The following TASL variants were observed in gnomAD, a reference collection of about 807,000 sequenced individuals.
TASL encodes TLR adapter interacting with SLC15A4 on the lysosome.
In TASL, 6 loss-of-function variants were observed where a neutral mutation model predicts 12.9. The ratio of observed to expected loss-of-function variants is 0.46; its 90% CI spans 0.25 to 0.92. TASL has a LOEUF of 0.92. Ranked by LOEUF, TASL falls within the 40% of genes least tolerant of loss-of-function variation. TASL has a pLI of 0.17. For missense variants in TASL, 165 were observed against 212.8 expected (o/e 0.78, Z 1.40); for synonymous variants, 85 against 79.3 (o/e 1.07, Z -0.38).
Position 30,560,142 on chromosome X carries a change from C to A in TASL, c.214G>T (p.Glu72Ter). ...GKFISSVHSRESQHSRSQRVT... is the reference protein window; with the variant it reads ...GKFISSVHSR Reference sequence around the variant, plus strand: ...CTCTGACTTCTGCTATGTTGGCTCTCTCTTGAATGCACTGAAGAGATAAAC... The same window carrying A: ...CTCTGACTTCTGCTATGTTGGCTCTATCTTGAATGCACTGAAGAGATAAAC... The change falls in exon 3 of 3, where the codon GAG (glutamate) becomes TAG (stop). Residue 72 changes from glutamate (E) to a stop codon, truncating the protein, a stop_gained. Transcript: ENST00000378962. LOFTEE classifies it high-confidence loss of function. The A allele has an allele frequency of 8.3e-7, 1 of 1,210,191 alleles. No individual in the cohort carries two copies. The highest frequency in any genetic ancestry group is 1.1e-6 in the Non-Finnish European group (1 of 894,468).
At chrX:30,569,801 A>G (rs1036621640) in intron 2 of TASL, among the ~76,000 whole-genome samples, 2 of 111,366 alleles carry the variant, frequency 1.8e-5, no homozygotes, top group African/African-American at 6.5e-5. Flanking sequence ...TCACAAGGTC[A>G]GGAGTTCGAG....
intron 2 of TASL, among the ~76,000 whole-genome samples, chrX:30,574,585 G>A (rs757359061): frequency 1.8e-5 from 2 of 111,353 alleles, no homozygotes; most frequent in South Asian, 7.6e-4. Flanking sequence ...ACACACAAAT[G>A]GAGGCAATGG....
At position 30,577,687 on chromosome X, in the gene TASL, CCAAA is replaced by C. The variant is rs940867006; in HGVS notation, c.-170_-167del. ...GATCCGGCAGAAACACAGCAACTGACCAAACAGAGAGATGAACAAGCCAGCCAAT... is the reference window on the plus strand; with the variant it reads ...GATCCGGCAGAAACACAGCAACTGACCAGAGAGATGAACAAGCCAGCCAAT... On this transcript the variant is annotated 5_prime_UTR_variant, in exon 1 of 3. Coordinates refer to ENST00000378962, the MANE Select transcript of TASL (RefSeq NM_025159.3). 1 of 112,363 alleles carries C rather than the reference CCAAA, an allele frequency of 8.9e-6. No individual in the cohort carries two copies. Among genetic ancestry groups the C allele is most frequent in the African/African-American group, 3.2e-5 (1 of 30,846 alleles). 9.3% of individuals were successfully genotyped at this position (112,363 alleles called of 1,213,427 possible).
At position 30,559,989 on chromosome X, in the gene TASL, T is replaced by A; in HGVS notation, c.367A>T (p.Asn123Tyr). 1 of 1,211,258 alleles carries A rather than the reference T, an allele frequency of 8.3e-7. No individual in the cohort carries two copies. The highest frequency in any genetic ancestry group is 1.1e-6 in the Non-Finnish European group (1 of 895,163). The change falls in exon 3 of 3, where the codon AAT (asparagine) becomes TAT (tyrosine). Residue 123 changes from asparagine (N) to tyrosine (Y), a missense_variant. Asn to Tyr is a moderately radical substitution (Grantham distance 143). Coordinates refer to ENST00000378962, the MANE Select transcript of TASL (RefSeq NM_025159.3). The part of the protein sequence containing the change: ...VPSSCKSICK[N>Y]YNDLQIAGGQ... ...CCTGCAATCTGTAAGTCATTATAAT[T>A]CTTGCAAATACTTTTGCAAGAAGAT...
chrX:30,563,063 T>C (rs1930450216), intron 2 of TASL, among the ~76,000 whole-genome samples: 1 of 110,823 alleles, frequency 9.0e-6, no homozygotes, highest in Non-Finnish European at 1.9e-5. Flanking sequence ...CATGGTGATA[T>C]GGTTTGCTGT....
At chrX:30,561,566 AT>A (rs1402252711) in intron 2 of TASL, among the ~76,000 whole-genome samples, 1 of 112,079 alleles carries the variant, frequency 8.9e-6, no homozygotes, top group African/African-American at 3.2e-5. Flanking sequence ...GAAAAGAAGG[AT>A]TTTTTTAACC....
intron 2 of TASL, among the ~76,000 whole-genome samples, chrX:30,574,351 A>G (rs1356570951): frequency 3.6e-5 from 4 of 112,231 alleles, no homozygotes; most frequent in Admixed American, 9.5e-5. Context: ...ATTGCATGAA[A>G]CTTTAATAAA....
chrX:30,560,082 A>G lies in TASL; in HGVS notation c.274T>C (p.Phe92Leu), dbSNP rs767540673. 42 of 1,209,887 alleles carry G rather than the reference A, an allele frequency of 3.5e-5. No individual in the cohort carries two copies. Among genetic ancestry groups the G allele is most frequent in the Non-Finnish European group, 4.6e-5 (41 of 895,120 alleles). Residue 92 changes from phenylalanine to leucine, a missense_variant, in exon 3 of 3, where the codon TTT (phenylalanine) becomes CTT (leucine). By Grantham distance (22) the Phe-to-Leu change is conservative. Transcript: ENST00000378962. ...TVLQTNPNPVFESPNLAAVEI... is the reference protein window; with the variant it reads ...TVLQTNPNPVLESPNLAAVEI... ...ACTGCAGCCAAGTTTGGGCTTTCAAACACAGGATTGGGGTTTGTCTGCAGC... is the reference window on the plus strand; with the variant it reads ...ACTGCAGCCAAGTTTGGGCTTTCAAGCACAGGATTGGGGTTTGTCTGCAGC...
chrX:30,560,009 G>C lies in TASL; in HGVS notation c.347C>G (p.Ser116Cys). The change falls in exon 3 of 3, where the codon TCT (serine) becomes TGT (cysteine). Residue 116 changes from serine (S) to cysteine (C), a missense_variant. By Grantham distance (112) the Ser-to-Cys change is moderately radical. Transcript: ENST00000378962. ...ASRETYLVPS[S>C]CKSICKNYND... is the part of the protein sequence containing the mutation. ...ATAATTCTTGCAAATACTTTTGCAA[G>C]AAGATGGAACCAAGTAGGTCTCTCT... is the stretch of plus-strand genomic sequence containing the variant. 8.3e-7 allele frequency: 1 copy of C among 1,211,167 alleles called. No individual in the cohort carries two copies. Among genetic ancestry groups the C allele is most frequent in the African/African-American group, 1.7e-5 (1 of 57,816 alleles).
chrX:30,567,360 A>G (rs1930513899), intron 2 of TASL, among the ~76,000 whole-genome samples: 1 of 111,576 alleles, frequency 9.0e-6, no homozygotes, highest in Non-Finnish European at 1.9e-5. Context: ...TATATGGCTG[A>G]GTTATAAATA....
chrX:30,575,703 C>A, intron 2 of TASL, among the ~76,000 whole-genome samples: 1 of 111,193 alleles, frequency 9.0e-6, no homozygotes, highest in East Asian at 2.8e-4. Context: ...TTAATATTAC[C>A]AAGTAAATAA....
intron 2 of TASL, among the ~76,000 whole-genome samples, chrX:30,571,876 A>T (rs746470540): frequency 9.0e-6 from 1 of 111,228 alleles, no homozygotes; most frequent in Non-Finnish European, 1.9e-5. Context: ...CATATTTGTT[A>T]GACTTGATTT....
At chrX:30,564,696 T>C (rs1043081066) in intron 2 of TASL, among the ~76,000 whole-genome samples, 2 of 112,082 alleles carry the variant, frequency 1.8e-5, no homozygotes, top group Non-Finnish European at 3.8e-5. Flanking sequence ...AAGTCTCAAA[T>C]AGCTGATTTT....
At position 30,559,675 on chromosome X, in the gene TASL, C is replaced by A; in HGVS notation, c.681G>T (p.Met227Ile). ...GAGAACTGTCATGAAACACGGTGTC[C>A]ATAATGTACTGTTTATATAACTCCA... ...KVVELYKQYI[M>I]DTVFHDSSPT... is the part of the protein sequence containing the mutation. Residue 227 changes from methionine (M) to isoleucine (I), a missense_variant, in exon 3 of 3, where the codon ATG becomes ATT. Coordinates refer to ENST00000378962, the MANE Select transcript of TASL (RefSeq NM_025159.3). 8.3e-7 allele frequency: 1 copy of A among 1,208,434 alleles called. No individual in the cohort carries two copies. The highest frequency in any genetic ancestry group is 1.1e-6 in the Non-Finnish European group (1 of 892,723).
At chrX:30,573,894 G>T (rs1930667852) in intron 2 of TASL, among the ~76,000 whole-genome samples, 1 of 110,695 alleles carries the variant, frequency 9.0e-6, no homozygotes, top group South Asian at 3.9e-4. Flanking sequence ...CTCTAGCCTG[G>T]GTGACAGAGC....
At chrX:30,569,478 G>A (rs375358111) in intron 2 of TASL, among the ~76,000 whole-genome samples, 2 of 111,753 alleles carry the variant, frequency 1.8e-5, no homozygotes, top group East Asian at 2.8e-4. Context: ...GTGCAAGTGT[G>A]TAATTGTCCA....
intron 2 of TASL, 130 bp downstream of exon 2, chrX:30,576,622 A>G (rs1270346548): frequency 8.9e-6 from 1 of 111,991 alleles, no homozygotes; most frequent in Admixed American, 9.5e-5. Flanking sequence ...AATGTTTATT[A>G]AGAGCCTAGA....
chrX:30,572,442 A>T (rs769861445), intron 2 of TASL, among the ~76,000 whole-genome samples: 1 of 112,296 alleles, frequency 8.9e-6, no homozygotes, highest in African/African-American at 3.2e-5. Context: ...TCTAATTAAC[A>T]TATATATTAG....
intron 2 of TASL, among the ~76,000 whole-genome samples, chrX:30,562,046 G>A (rs1930433706): frequency 9.0e-6 from 1 of 111,635 alleles, no homozygotes; most frequent in South Asian, 3.7e-4. Context: ...CCCCACCTAG[G>A]CTTTAGCTAG....
Sources: gnomAD v4.1 joint callset for allele counts (sites outside exome capture counted in the v4.1 genomes callset) on GRCh38, gnomAD v4.1.1 for gene constraint, MANE v1.5 for transcripts, NCBI Gene and HGNC (gene_info 2026-07-23, HGNC 2026-07-21) for gene names.